The following PTPRM variants were observed in gnomAD, a reference collection of about 807,000 sequenced individuals.
PTPRM encodes the protein receptor-type tyrosine-protein phosphatase mu.
PTPRM carries 47 observed loss-of-function variants against 186.7 expected under a neutral mutation model. The ratio of observed to expected loss-of-function variants is 0.25; its 90% CI spans 0.20 to 0.32. The LOEUF (loss-of-function observed/expected upper bound fraction) is 0.32, where lower values mean the gene tolerates loss of function less well. PTPRM is among the 10% of genes least tolerant of loss of function. The pLI, the probability that PTPRM is intolerant of heterozygous loss-of-function variation, is 1.00. For synonymous variants in PTPRM, 668 were observed against 674.9 expected, an observed-to-expected ratio of 0.99 and a Z score of 0.16; for missense variants, 1,494 against 1,865.0, an observed-to-expected ratio of 0.80 and a Z score of 3.66.
chr18:8,250,117 A>G (rs1290569981), intron 17 of PTPRM, among the ~76,000 whole-genome samples: 1 of 152,194 alleles, frequency 6.6e-6, no homozygotes, highest in East Asian at 1.9e-4. Flanking sequence ...GCTCAGCACA[A>G]TTAAATTCTC....
At chr18:8,287,634 T>TAAGAA (rs1332404576) in intron 19 of PTPRM, among the ~76,000 whole-genome samples, 8 of 152,200 alleles carry the variant, frequency 5.3e-5, no homozygotes, top group African/African-American at 1.9e-4. Context: ...GGAGGTATTC[T>TAAGAA]TACTGCTCTC....
At chr18:7,697,556 A>T (rs964399873) in intron 1 of PTPRM, among the ~76,000 whole-genome samples, 4 of 152,202 alleles carry the variant, frequency 2.6e-5, no homozygotes, top group Non-Finnish European at 5.9e-5. Context: ...TTGAAGTAGT[A>T]CTGAATTACT....
chr18:7,677,803 G>A lies in PTPRM; in HGVS notation c.74-96346G>A, dbSNP rs548841201. On this transcript the variant is annotated intron_variant, in intron 1 of 32. Coordinates refer to ENST00000580170, the MANE Select transcript of PTPRM (RefSeq NM_001105244.2). ...GCTGCCTTATCAGAGAAGCCCACAC[G>A]CCATGTAAAGAGCAGTACCCACTCC... 1.4e-4 allele frequency among the ~76,000 whole-genome samples: 22 copies of A among 152,088 alleles called. 1 individual carries two copies. Among genetic ancestry groups the A allele is most frequent in the South Asian group, 6.2e-4 (3 of 4,802 alleles).
At chr18:7,773,997 G>A in intron 1 of PTPRM, 152 bp from the exon 2 acceptor site, 1 of 688,428 alleles carries the variant, frequency 1.5e-6, no homozygotes, top group Non-Finnish European at 2.4e-6. Flanking sequence ...GGATCACTAA[G>A]TGTTGGATGC....
intron 19 of PTPRM, among the ~76,000 whole-genome samples, chr18:8,261,650 A>AT: frequency 6.6e-6 from 1 of 152,132 alleles, no homozygotes; most frequent in Non-Finnish European, 1.5e-5. Context: ...ACATCAGCTA[A>AT]TTTTTTATAC....
At chr18:8,277,273 G>A (rs1225587179) in intron 19 of PTPRM, among the ~76,000 whole-genome samples, 1 of 152,114 alleles carries the variant, frequency 6.6e-6, no homozygotes, top group Non-Finnish European at 1.5e-5. Flanking sequence ...TGGAAATTGA[G>A]GTTATTGATG....
Position 7,573,891 on chromosome 18 carries a change from C to T in PTPRM, c.73+6000C>T, listed in dbSNP as rs1442795972. Among the ~76,000 whole-genome samples the T allele has an allele frequency of 2.6e-5, 4 of 152,132 alleles. No homozygotes were observed. The East Asian group carries it at 7.8e-4, about 30-fold the overall frequency. ...CAGGCATGAGCCACCACGCCTGGCC[C>T]TGAAAGAGGAGTTTTTAAAGTGTTG... is the stretch of plus-strand genomic sequence containing the variant. On this transcript the variant is annotated intron_variant, in intron 1 of 32. Transcript: ENST00000580170.
chr18:7,690,266 A>T (rs1306723400), intron 1 of PTPRM, among the ~76,000 whole-genome samples: 2 of 152,176 alleles, frequency 1.3e-5, no homozygotes, highest in Non-Finnish European at 2.9e-5. Flanking sequence ...TGTGCAGTGG[A>T]AGCTGCATTT....
At chr18:7,752,409 A>G (rs1248986360) in intron 1 of PTPRM, among the ~76,000 whole-genome samples, 1 of 151,946 alleles carries the variant, frequency 6.6e-6, no homozygotes, top group Non-Finnish European at 1.5e-5. Context: ...AGTAATGGTT[A>G]GTTTTAGATT....
intron 7 of PTPRM, among the ~76,000 whole-genome samples, chr18:7,989,832 G>A (rs117910008): frequency 4.2e-3 from 639 of 152,110 alleles, no homozygotes; most frequent in Non-Finnish European, 5.6e-3. Flanking sequence ...ACCTTTGCTC[G>A]CTTCTTTTGT....
intron 2 of PTPRM, among the ~76,000 whole-genome samples, chr18:7,805,583 T>C (rs9951957): frequency 0.023 from 3,498 of 152,338 alleles, 129 homozygotes; most frequent in African/African-American, 0.079. Flanking sequence ...TTCTCAAGTA[T>C]TAACCCTTGG....
intron 31 of PTPRM, among the ~76,000 whole-genome samples, chr18:8,387,493 A>T (rs1409300913): frequency 1.1e-5 from 1 of 94,034 alleles, no homozygotes; most frequent in East Asian, 3.2e-4. Context: ...TCCGCCGCCC[A>T]CTGCCAAGAG....
At chr18:8,048,435 G>T (rs1490580170) in intron 7 of PTPRM, among the ~76,000 whole-genome samples, 1 of 151,908 alleles carries the variant, frequency 6.6e-6, no homozygotes, top group African/African-American at 2.4e-5. Context: ...TGTCAGTGGG[G>T]TGCTGAGAAC....
At chr18:8,310,272 G>A (rs1056418389) in intron 20 of PTPRM, among the ~76,000 whole-genome samples, 1 of 151,476 alleles carries the variant, frequency 6.6e-6, no homozygotes, top group African/African-American at 2.4e-5. Flanking sequence ...CCTCCCCATT[G>A]TCTCCCCACT....
intron 1 of PTPRM, among the ~76,000 whole-genome samples, chr18:7,596,214 G>C (rs753325835): frequency 9.2e-5 from 14 of 152,132 alleles, no homozygotes; most frequent in Non-Finnish European, 1.9e-4. Context: ...CCAGAGAACG[G>C]AGTCAGCTAC....
intron 14 of PTPRM, among the ~76,000 whole-genome samples, chr18:8,175,816 G>A (rs553927486): frequency 3.3e-5 from 5 of 152,282 alleles, no homozygotes; most frequent in Non-Finnish European, 5.9e-5. Flanking sequence ...GAAACATTAC[G>A]TATTTTAGCG....
intron 4 of PTPRM, among the ~76,000 whole-genome samples, chr18:7,919,450 AT>A (rs2050742000): frequency 1.3e-5 from 2 of 151,998 alleles, no homozygotes; most frequent in South Asian, 4.1e-4. Context: ...AACCTATGGG[AT>A]TTTCCTCTTA....
chr18:7,653,651 T>C (rs1289399666), intron 1 of PTPRM, among the ~76,000 whole-genome samples: 5 of 151,216 alleles, frequency 3.3e-5, no homozygotes, highest in Admixed American at 2.0e-4. Context: ...GACAATCTTG[T>C]TCTTTTTATG....
At chr18:7,658,087 T>A (rs1406579025) in intron 1 of PTPRM, among the ~76,000 whole-genome samples, 1 of 152,066 alleles carries the variant, frequency 6.6e-6, no homozygotes, top group Non-Finnish European at 1.5e-5. Flanking sequence ...TACAATACAG[T>A]ATTATCAGCT....
Sources: allele counts gnomAD v4.1 joint callset (sites outside exome capture counted in the v4.1 genomes callset), GRCh38; gene constraint gnomAD v4.1.1; transcripts MANE v1.5; gene names NCBI Gene and HGNC (gene_info 2026-07-23, HGNC 2026-07-21).